Variants in GLB1 observed in about 807,000 individuals in gnomAD.
GLB1 encodes beta-galactosidase.
A neutral mutation model predicts 74.0 loss-of-function variants in GLB1; 56 were observed. That is an observed-to-expected ratio of 0.76 (90% CI 0.61 to 0.94). GLB1 has a LOEUF of 0.94. Among genes scored for constraint, GLB1 ranks in the 40% least tolerant of loss-of-function variants. GLB1 has a pLI of 0.00. For missense variants in GLB1, 787 were observed against 845.5 expected (o/e 0.93, Z 0.86); for synonymous variants, 323 against 323.6 (o/e 1.00, Z 0.02).
At chr3:32,999,316 G>A (rs1296223600) in intron 15 of GLB1, among the ~76,000 whole-genome samples, 2 of 152,114 alleles carry the variant, frequency 1.3e-5, no homozygotes, top group Non-Finnish European at 2.9e-5. Context: ...CAGTATTAGA[G>A]AACAGTAGCA....
intron 13 of GLB1, among the ~76,000 whole-genome samples, 171 bp downstream of exon 13, chr3:33,018,277 C>A (rs956621748): frequency 2.3e-4 from 22 of 94,232 alleles, no homozygotes; most frequent in Non-Finnish European, 3.6e-4. Flanking sequence ...CAGAGCAAAA[C>A]CCTGTCTCAA....
chr3:33,048,486 G>C (rs1409468745), intron 9 of GLB1, among the ~76,000 whole-genome samples: 2 of 152,238 alleles, frequency 1.3e-5, no homozygotes, highest in Non-Finnish European at 2.9e-5. Context: ...CCATCACACA[G>C]CTGTGGACAC....
chr3:33,077,715 C>T (rs940509383), intron 1 of GLB1, among the ~76,000 whole-genome samples: 2 of 148,276 alleles, frequency 1.3e-5, no homozygotes, highest in Non-Finnish European at 3.0e-5. Flanking sequence ...GCCAATGGTA[C>T]GTTTTGATTG....
At chr3:33,084,491 A>G (rs1456133038) in intron 1 of GLB1, among the ~76,000 whole-genome samples, 2 of 152,126 alleles carry the variant, frequency 1.3e-5, no homozygotes, top group African/African-American at 2.4e-5. Flanking sequence ...AATCTGCTCT[A>G]GCTTATGCAT....
At chr3:32,998,022 A>G (rs1325116093) in intron 15 of GLB1, among the ~76,000 whole-genome samples, 1 of 152,218 alleles carries the variant, frequency 6.6e-6, no homozygotes, top group Non-Finnish European at 1.5e-5. Flanking sequence ...GGACTCTTAC[A>G]GGCACCCTCA....
intron 1 of GLB1, among the ~76,000 whole-genome samples, chr3:33,085,211 G>C (rs949014603): frequency 3.4e-5 from 5 of 148,860 alleles, no homozygotes; most frequent in Non-Finnish European, 7.4e-5. Context: ...AATGGTTCAG[G>C]CTGCAGTGAG....
chr3:33,068,306 C>G lies in GLB1; in HGVS notation c.397-16G>C, dbSNP rs777944619. 1.2e-6 allele frequency: 2 copies of G among 1,613,154 alleles called. No individual in the cohort carries two copies. The highest frequency in any genetic ancestry group is 1.1e-5 in the South Asian group (1 of 91,054). ...GTAATCCTCCCTAGTTCAGGGAAAA[C>G]AAGCCATTATAATGTCTGTTCCGTG... On this transcript the variant is annotated splice_polypyrimidine_tract_variant and intron_variant, in intron 3 of 15. Transcript: ENST00000307363.
chr3:33,050,232 C>T (rs564983281), intron 9 of GLB1, among the ~76,000 whole-genome samples: 4 of 152,212 alleles, frequency 2.6e-5, no homozygotes, highest in Non-Finnish European at 5.9e-5. Context: ...TTGGGAAACA[C>T]TATGGCAGTT....
intron 6 of GLB1, among the ~76,000 whole-genome samples, chr3:33,054,323 T>C (rs1361205517): frequency 6.6e-6 from 1 of 152,170 alleles, no homozygotes; most frequent in Admixed American, 6.5e-5. Context: ...ACTTCCAAGC[T>C]AGCTTCTGAT....
At chr3:33,088,420 G>A (rs1383600122) in intron 1 of GLB1, among the ~76,000 whole-genome samples, 3 of 146,700 alleles carry the variant, frequency 2.0e-5, no homozygotes, top group Admixed American at 6.8e-5. Context: ...CAAACTGTTA[G>A]AACTAATAAA....
rs575025529 is a variant in GLB1 at position 33,020,276 on chromosome 3, T to A, written c.1233+1290A>T. On this transcript the variant is annotated intron_variant, in intron 12 of 15. Transcript: ENST00000307363. ...GTAAAAACAGGAACTGACAGCAAACTTCACTAAACTAAGATTAGATATGCT... is the reference window on the plus strand; with the variant it reads ...GTAAAAACAGGAACTGACAGCAAACATCACTAAACTAAGATTAGATATGCT... Among the ~76,000 whole-genome samples the A allele has an allele frequency of 7.9e-4, 120 of 152,328 alleles. 1 individual carries two copies. Among genetic ancestry groups the A allele is most frequent in the Non-Finnish European group, 1.4e-3 (95 of 68,034 alleles).
At chr3:32,977,812 C>T in the GLB1 span, among the ~76,000 whole-genome samples, 2 of 152,182 alleles carry the variant, frequency 1.3e-5, no homozygotes, top group African/African-American at 2.4e-5. Context: ...TGACACCGTT[C>T]AGGGGAAACT....
In GLB1 at chr3:33,093,799, A is replaced by T. The variant is rs749561178; in HGVS notation, c.75+3212T>A. 6.2e-7 allele frequency: 1 copy of T among 1,613,524 alleles called. No individual in the cohort carries two copies. The highest frequency in any genetic ancestry group is 1.1e-5 in the South Asian group (1 of 90,980). On this transcript the variant is annotated intron_variant, in intron 1 of 15. Transcript: ENST00000307363. The surrounding 1 kb of genome is among the most constrained non-coding windows in gnomAD (Gnocchi z 6.0). ...GCCTGCTCCATGCCGCTGAGGATGAAGAGGAAGAAGAGCATGATGATGTAA... is the reference window on the plus strand; with the variant it reads ...GCCTGCTCCATGCCGCTGAGGATGATGAGGAAGAAGAGCATGATGATGTAA...
chr3:33,014,161 T>C lies in GLB1; in HGVS notation c.1629A>G (p.Ser543=). The C allele has an allele frequency of 6.2e-7, 1 of 1,614,082 alleles. No homozygotes were observed. Among genetic ancestry groups the C allele is most frequent in the Non-Finnish European group, 8.5e-7 (1 of 1,180,018 alleles). ...AAAAGGCCGGGAGCGTGTAGTTGGATGAGTTGTGGGCCCAGGCTTCATCAT... is the reference window on the plus strand; with the variant it reads ...AAAAGGCCGGGAGCGTGTAGTTGGACGAGTTGTGGGCCCAGGCTTCATCAT... The part of the protein sequence containing the change: ...GHHDEAWAHN[S]SNYTLPAFYM... Residue 543 remains serine (S), a synonymous_variant, in exon 15 of 16, where the codon TCA becomes TCG. Transcript: ENST00000307363.
chr3:32,999,810 C>T, intron 15 of GLB1, among the ~76,000 whole-genome samples: 1 of 152,154 alleles, frequency 6.6e-6, no homozygotes, highest in South Asian at 2.1e-4. Context: ...ACCACCATGC[C>T]CAGCTCATTT....
chr3:33,065,892 G>A lies in GLB1; in HGVS notation c.458-335C>T, dbSNP rs528897986. ...TGAGGCAGGAGAATTGCTTGAACCC[G>A]GGGGGGCGGAGGTTGCGGTGAGCCA... is the stretch of plus-strand genomic sequence containing the variant. On this transcript the variant is annotated intron_variant, in intron 4 of 15. Transcript: ENST00000307363. 6.6e-5 allele frequency among the ~76,000 whole-genome samples: 10 copies of A among 151,530 alleles called. 1 individual carries two copies. The highest frequency in any genetic ancestry group is 6.3e-4 in the South Asian group (3 of 4,778).
chr3:32,982,150 C>T, the GLB1 span, among the ~76,000 whole-genome samples: 16,340 of 151,726 alleles, frequency 0.11, 1,125 homozygotes, highest in African/African-American at 0.2. Context: ...CCCGTCTCTA[C>T]TAAACATACA....
chr3:32,961,827 G>A, the GLB1 span, among the ~76,000 whole-genome samples: 1 of 152,194 alleles, frequency 6.6e-6, no homozygotes, highest in African/African-American at 2.4e-5. Flanking sequence ...GCTAAAAATA[G>A]GAAGGAACGC....
intron 5 of GLB1, among the ~76,000 whole-genome samples, chr3:33,064,459 A>AAG (rs1407381292): frequency 7.4e-6 from 1 of 135,122 alleles, no homozygotes; most frequent in South Asian, 2.3e-4. Context: ...AAAACAAAAA[A>AAG]CCTTTACTCT....
Sources: gnomAD v4.1 joint callset for allele counts (sites outside exome capture counted in the v4.1 genomes callset) on GRCh38, gnomAD v4.1.1 for gene constraint, Gnocchi (gnomAD v3.1) non-coding constraint, MANE v1.5 for transcripts, NCBI Gene and HGNC (gene_info 2026-07-23, HGNC 2026-07-21) for gene names.